The following HNRNPLL variants were observed in gnomAD, a reference collection of about 807,000 sequenced individuals.
HNRNPLL encodes the protein heterogeneous nuclear ribonucleoprotein L-like.
In HNRNPLL, 25 loss-of-function variants were observed where a neutral mutation model predicts 67.1. The ratio of observed to expected loss-of-function variants is 0.37; its 90% CI spans 0.27 to 0.52. HNRNPLL has a LOEUF of 0.52. Ranked by LOEUF, HNRNPLL falls within the 20% of genes least tolerant of loss-of-function variation. HNRNPLL has a pLI of 0.90. For missense variants in HNRNPLL, 542 were observed against 673.9 expected, an observed-to-expected ratio of 0.80 and a Z score of 2.17; for synonymous variants, 267 against 241.7, an observed-to-expected ratio of 1.10 and a Z score of -0.97.
intron 8 of HNRNPLL, among the ~76,000 whole-genome samples, chr2:38,570,352 A>C (rs913646654): frequency 6.6e-6 from 1 of 152,236 alleles, no homozygotes; most frequent in Non-Finnish European, 1.5e-5. Flanking sequence ...ATGTTAACAG[A>C]CATTATCTTC....
chr2:38,591,569 G>A lies in HNRNPLL; in HGVS notation c.269C>T (p.Ala90Val). The change falls in exon 2 of 13, where the codon GCA (alanine) becomes GTA (valine). Residue 90 changes from alanine to valine, a missense_variant. Coordinates refer to ENST00000449105, the MANE Select transcript of HNRNPLL (RefSeq NM_138394.4). ...TTTTTCCAGCGCTTCCACGAGGTCT[G>A]CTTCCACCACAGATTCACAGAGTCC... is the stretch of plus-strand genomic sequence containing the variant. ...VRGLCESVVE[A>V]DLVEALEKFG... 3 of 1,613,480 alleles carry A rather than the reference G, an allele frequency of 1.9e-6. No individual in the cohort carries two copies. Among genetic ancestry groups the A allele is most frequent in the East Asian group, 2.2e-5 (1 of 44,868 alleles).
At chr2:38,596,518 G>A (rs941867857) in intron 1 of HNRNPLL, among the ~76,000 whole-genome samples, 1 of 152,042 alleles carries the variant, frequency 6.6e-6, no homozygotes, top group African/African-American at 2.4e-5. Context: ...TCAGCCTCCC[G>A]AAGTGTTGGG....
chr2:38,576,667 G>C (rs1308057682), intron 7 of HNRNPLL, among the ~76,000 whole-genome samples: 1 of 151,706 alleles, frequency 6.6e-6, no homozygotes, highest in African/African-American at 2.4e-5. Context: ...GAACCATTTA[G>C]GACAATAGGC....
At chr2:38,577,426 A>G (rs1666341397) in intron 7 of HNRNPLL, 35 bp downstream of exon 7, 1 of 1,297,008 alleles carries the variant, frequency 7.7e-7, no homozygotes, top group Admixed American at 1.7e-5. Context: ...CAAACAGTTC[A>G]TCTATACTAC....
intron 2 of HNRNPLL, among the ~76,000 whole-genome samples, chr2:38,590,087 G>T (rs1330250060): frequency 6.6e-6 from 1 of 152,174 alleles, no homozygotes; most frequent in Admixed American, 6.5e-5. Flanking sequence ...AATCAACTTA[G>T]TGATACACTT....
intron 2 of HNRNPLL, among the ~76,000 whole-genome samples, chr2:38,589,958 A>G (rs1281159815): frequency 6.6e-6 from 1 of 152,200 alleles, no homozygotes; most frequent in Non-Finnish European, 1.5e-5. Flanking sequence ...CCTTATAGAG[A>G]CAGGGGTAGT....
chr2:38,581,812 T>G (rs1268382341), intron 6 of HNRNPLL, 101 bp downstream of exon 6: 1 of 786,682 alleles, frequency 1.3e-6, no homozygotes. Flanking sequence ...CAACAAGGTT[T>G]TCATTTGAAT....
chr2:38,576,448 A>G (rs1313239616), intron 7 of HNRNPLL, among the ~76,000 whole-genome samples: 1 of 151,882 alleles, frequency 6.6e-6, no homozygotes, highest in Non-Finnish European at 1.5e-5. Flanking sequence ...ACCAGCTGTA[A>G]TGAGATTTTC....
chr2:38,569,795 G>T lies in HNRNPLL; in HGVS notation c.1214+9C>A. ...TTTTTAAAATTTATCATTTAAGATA[G>T]ATAATTACCAAACATTAAGTCTTTT... On this transcript the variant is annotated intron_variant, in intron 9 of 12. Transcript: ENST00000449105. 7.4e-7 allele frequency: 1 copy of T among 1,351,028 alleles called. No individual in the cohort carries two copies. Among genetic ancestry groups the T allele is most frequent in the African/African-American group, 1.5e-5 (1 of 67,848 alleles). 83.7% of individuals were successfully genotyped at this position (1,351,028 alleles called of 1,614,324 possible).
chr2:38,599,827 C>T (rs939293161), intron 1 of HNRNPLL: 7 of 462,060 alleles, frequency 1.5e-5, no homozygotes, highest in Admixed American at 2.5e-5. Context: ...CAATGTAAAT[C>T]TTCAAAGGCT....
chr2:38,579,134 T>C (rs1666419587), intron 6 of HNRNPLL, among the ~76,000 whole-genome samples: 1 of 152,138 alleles, frequency 6.6e-6, no homozygotes. Flanking sequence ...ATTGATACAG[T>C]TAACAGTGTG....
intron 8 of HNRNPLL, among the ~76,000 whole-genome samples, chr2:38,571,011 T>C (rs1666056619): frequency 6.6e-6 from 1 of 152,080 alleles, no homozygotes; most frequent in African/African-American, 2.4e-5. Context: ...TGCCACTGTA[T>C]TCCAGCCTCG....
chr2:38,566,799 C>CA (rs1665878780), intron 12 of HNRNPLL, among the ~76,000 whole-genome samples: 1 of 143,980 alleles, frequency 6.9e-6, no homozygotes, highest in African/African-American at 2.6e-5. Context: ...GCCTGGGCAA[C>CA]ACAGTGAGAC....
chr2:38,582,453 G>T (rs1194725443), intron 4 of HNRNPLL, among the ~76,000 whole-genome samples: 1 of 152,070 alleles, frequency 6.6e-6, no homozygotes, highest in Non-Finnish European at 1.5e-5. Flanking sequence ...TGGGACTACA[G>T]GTGTGTGCCA....
intron 3 of HNRNPLL, 57 bp from the exon 4 acceptor site, chr2:38,583,983 C>T (rs912476549): frequency 4.2e-6 from 3 of 710,130 alleles, no homozygotes; most frequent in Non-Finnish European, 6.9e-6. Context: ...AACATTAAAG[C>T]TATACTTCGT....
chr2:38,564,401 C>T lies in HNRNPLL; in HGVS notation c.1574-164G>A, dbSNP rs142757248. ...AAAATTGGCCAGATGCGGTGGCTCACCTGAAGTCAGGAGTTCGAGACCAGC... is the reference window on the plus strand; with the variant it reads ...AAAATTGGCCAGATGCGGTGGCTCATCTGAAGTCAGGAGTTCGAGACCAGC... On this transcript the variant is annotated intron_variant, in intron 12 of 12. Transcript: ENST00000449105. 4.6e-4 allele frequency among the ~76,000 whole-genome samples: 70 copies of T among 151,912 alleles called. 4 individuals carry two copies. In the East Asian group the frequency reaches 0.013, roughly 29 times the overall value.
chr2:38,568,369 A>T lies in HNRNPLL; in HGVS notation c.1474+17T>A, dbSNP rs1366273400. ...CAACTTAACCAGAAAGCTTTAAAAG[A>T]GGGACTGTTCACTTACGTTTTGCAT... On this transcript the variant is annotated intron_variant, in intron 11 of 12. Transcript: ENST00000449105. 3 of 1,608,202 alleles carry T rather than the reference A, an allele frequency of 1.9e-6. No individual in the cohort carries two copies. In the South Asian group the frequency reaches 3.3e-5, roughly 18 times the overall value.
At chr2:38,578,271 G>A (rs903674209) in intron 6 of HNRNPLL, among the ~76,000 whole-genome samples, 1 of 151,966 alleles carries the variant, frequency 6.6e-6, no homozygotes, top group African/African-American at 2.4e-5. Context: ...TTCTAGCTAC[G>A]TTTTCAGAAA....
intron 12 of HNRNPLL, among the ~76,000 whole-genome samples, chr2:38,566,785 A>C (rs576286897): frequency 6.6e-6 from 1 of 151,676 alleles, no homozygotes; most frequent in South Asian, 2.1e-4. Flanking sequence ...GGAGTTCAAG[A>C]CCAGCCTGGG....
Sources: allele counts gnomAD v4.1 joint callset (sites outside exome capture counted in the v4.1 genomes callset), GRCh38; gene constraint gnomAD v4.1.1; transcripts MANE v1.5; gene names NCBI Gene and HGNC (gene_info 2026-07-23, HGNC 2026-07-21).